The following GNAI2 variants were observed in gnomAD, a reference collection of about 807,000 sequenced individuals.
The protein encoded by GNAI2 is G protein subunit alpha i2, also known as guanine nucleotide-binding protein G(i) subunit alpha-2.
A neutral mutation model predicts 36.8 loss-of-function variants in GNAI2; 4 were observed. That is an observed-to-expected ratio of 0.11 (90% confidence interval 0.05 to 0.25). The LOEUF (loss-of-function observed/expected upper bound fraction) is 0.25, where lower values mean the gene tolerates loss of function less well. GNAI2 is among the 10% of genes least tolerant of loss of function. The pLI, the probability that GNAI2 is intolerant of heterozygous loss-of-function variation, is 1.00. For missense variants in GNAI2, 230 were observed against 481.3 expected, an observed-to-expected ratio of 0.48 and a Z score of 4.89; for synonymous variants, 194 against 194.1, an observed-to-expected ratio of 1.00 and a Z score of 0.01.
At chr3:50,254,596 CCAG>C (rs1700644542) in intron 4 of GNAI2, among the ~76,000 whole-genome samples, 1 of 152,204 alleles carries the variant, frequency 6.6e-6, no homozygotes, top group Non-Finnish European at 1.5e-5. Context: ...GTGGGGGCCC[CCAG>C]GCCTCACCAC....
chr3:50,235,569 C>T (rs1700144098), upstream of GNAI2, among the ~76,000 whole-genome samples: 2 of 152,200 alleles, frequency 1.3e-5, no homozygotes, highest in Non-Finnish European at 2.9e-5. Context: ...ATCTGCCCGC[C>T]TCGGCCTCCT....
At chr3:50,237,834 G>T (rs1700214180) in intron 1 of GNAI2, among the ~76,000 whole-genome samples, 1 of 152,160 alleles carries the variant, frequency 6.6e-6, no homozygotes, top group Non-Finnish European at 1.5e-5. Context: ...TGCATGGGGG[G>T]GTGTGGCCCC....
intron 1 of GNAI2, chr3:50,246,899 C>T (rs1700437252): frequency 1.1e-5 from 16 of 1,441,738 alleles, no homozygotes; most frequent in Non-Finnish European, 1.5e-5. Context: ...GAGCCAGTAG[C>T]TCTGACTCCT....
At chr3:50,246,752 GT>G in intron 1 of GNAI2, 1 of 462,714 alleles carries the variant, frequency 2.2e-6, no homozygotes. Context: ...CCAGGGAGGT[GT>G]GCCTGGCTTT....
In GNAI2 at chr3:50,236,785, G is replaced by A. The variant is rs114690325; in HGVS notation, c.118+332G>A. 0.015 allele frequency among the ~76,000 whole-genome samples: 2,288 copies of A among 151,958 alleles called. 60 individuals are homozygous for A. Among genetic ancestry groups the A allele is most frequent in the African/African-American group, 0.052 (2,171 of 41,408 alleles). ...GCCCCGCCATCCTTCCCTACACTTTGCCCAAACCCCCAGGATGCCCGCCAC... is the reference window on the plus strand; with the variant it reads ...GCCCCGCCATCCTTCCCTACACTTTACCCAAACCCCCAGGATGCCCGCCAC... On this transcript the variant is annotated intron_variant, in intron 1 of 8. Transcript: ENST00000313601. The surrounding 1 kb of genome is among the most constrained non-coding windows in gnomAD (Gnocchi z 4.0).
chr3:50,257,904 G>A (rs963981307), intron 8 of GNAI2, 190 bp downstream of exon 8: 12 of 500,946 alleles, frequency 2.4e-5, no homozygotes, highest in African/African-American at 3.9e-5. Context: ...AGGGCATGGA[G>A]GAGGTCATAC....
intron 1 of GNAI2, among the ~76,000 whole-genome samples, chr3:50,244,553 T>G (rs1700371220): frequency 6.6e-6 from 1 of 152,078 alleles, no homozygotes; most frequent in Non-Finnish European, 1.5e-5. Context: ...AGGAGTGAAA[T>G]GAAAGCATGT....
Position 50,238,606 on chromosome 3 carries a change from C to G in GNAI2, c.118+2153C>G, listed in dbSNP as rs985246698. 2.0e-5 allele frequency among the ~76,000 whole-genome samples: 3 copies of G among 152,228 alleles called. No individual in the cohort carries two copies. The highest frequency in any genetic ancestry group is 7.2e-5 in the African/African-American group (3 of 41,462). ...CCCAGGTCAGGATGGGGAGGGAGAACAAGAGCCTCCTGGTGGTTCTTGTTG... is the reference window on the plus strand; with the variant it reads ...CCCAGGTCAGGATGGGGAGGGAGAAGAAGAGCCTCCTGGTGGTTCTTGTTG... On this transcript the variant is annotated intron_variant, in intron 1 of 8. Coordinates refer to ENST00000313601, the MANE Select transcript of GNAI2 (RefSeq NM_002070.4). The surrounding 1 kb of genome is among the most constrained non-coding windows in gnomAD (Gnocchi z 5.0).
chr3:50,234,414 TG>T (rs1220954999), upstream of GNAI2, among the ~76,000 whole-genome samples: 2 of 138,114 alleles, frequency 1.4e-5, no homozygotes, highest in Admixed American at 1.4e-4. Context: ...TGCAATGGCA[TG>T]ATCTCAGCTC....
chr3:50,246,723 A>T (rs1370774352), intron 1 of GNAI2, among the ~76,000 whole-genome samples: 2 of 152,218 alleles, frequency 1.3e-5, no homozygotes, highest in African/African-American at 4.8e-5. Flanking sequence ...CACGGAGCCC[A>T]CCAGTATGGG....
At chr3:50,227,168 C>T (rs978233810), upstream of GNAI2, 4 of 1,448,148 alleles carry the variant, frequency 2.8e-6, no homozygotes, top group African/African-American at 5.8e-5. This position sits in a 1 kb window ranked among gnomAD's most constrained non-coding sequence, Gnocchi z 5.9. Context: ...AGCAGAAAGG[C>T]GGGTGTCACT....
Position 50,252,986 on chromosome 3 carries a change from A to C in GNAI2, c.304-38A>C, listed in dbSNP as rs1553702740. On this transcript the variant is annotated intron_variant, in intron 3 of 8. Coordinates refer to ENST00000313601, the MANE Select transcript of GNAI2 (RefSeq NM_002070.4). This position sits in a 1 kb window ranked among gnomAD's most constrained non-coding sequence, Gnocchi z 4.1. ...CCTGCCTCTGGCAGAGTGGGGGTACATTCCTTCAACTGCCTGACCACCCGC... is the reference window on the plus strand; with the variant it reads ...CCTGCCTCTGGCAGAGTGGGGGTACCTTCCTTCAACTGCCTGACCACCCGC... 1.3e-6 allele frequency: 2 copies of C among 1,544,258 alleles called. No homozygotes were observed. Among genetic ancestry groups the C allele is most frequent in the South Asian group, 2.4e-5 (2 of 84,094 alleles).
intron 1 of GNAI2, among the ~76,000 whole-genome samples, chr3:50,245,039 C>G (rs1700383843): frequency 6.6e-6 from 1 of 151,096 alleles, no homozygotes; most frequent in African/African-American, 2.4e-5. Flanking sequence ...GCTCTTGTTG[C>G]CCAGGCTAGA....
chr3:50,257,798 G>A, intron 8 of GNAI2, 84 bp downstream of exon 8: 1 of 602,930 alleles, frequency 1.7e-6, no homozygotes, highest in Non-Finnish European at 2.8e-6. Flanking sequence ...GGGTGGGTAG[G>A]GGGGTGAACC....
chr3:50,232,525 A>T (rs1480543995), upstream of GNAI2, among the ~76,000 whole-genome samples: 1 of 152,236 alleles, frequency 6.6e-6, no homozygotes, highest in Non-Finnish European at 1.5e-5. Flanking sequence ...TGTCCAAAGT[A>T]ACAAGTAGCT....
At chr3:50,234,937 T>A (rs587768409), upstream of GNAI2, among the ~76,000 whole-genome samples, 5 of 152,300 alleles carry the variant, frequency 3.3e-5, no homozygotes, top group South Asian at 1.0e-3. Flanking sequence ...GGCCATAGGG[T>A]TGCAGCCATT....
chr3:50,252,622 A>G lies in GNAI2; in HGVS notation c.303+84A>G, dbSNP rs1700588667. On this transcript the variant is annotated intron_variant, in intron 3 of 8. Transcript: ENST00000313601. This position sits in a 1 kb window ranked among gnomAD's most constrained non-coding sequence, Gnocchi z 4.1. Reference sequence around the variant, plus strand: ...GTGGTGGCTCATGCCTATAAATCCCAGCACTTTGGGACGCCGAGGCGGGTG... The same window carrying G: ...GTGGTGGCTCATGCCTATAAATCCCGGCACTTTGGGACGCCGAGGCGGGTG... 3.3e-6 allele frequency: 4 copies of G among 1,214,054 alleles called. No homozygotes were observed. Among genetic ancestry groups the G allele is most frequent in the Admixed American group, 4.0e-5 (2 of 50,586 alleles). The allele number at this position is 1,214,054 out of a possible 1,614,324, so 75.2% of individuals were successfully genotyped here.
At chr3:50,243,660 C>T (rs1403043428) in intron 1 of GNAI2, among the ~76,000 whole-genome samples, 4 of 152,338 alleles carry the variant, frequency 2.6e-5, no homozygotes, top group South Asian at 2.1e-4. Flanking sequence ...CATATTTAAT[C>T]CTGTGAGGCT....
At chr3:50,257,918 C>G in intron 8 of GNAI2, 1 of 466,502 alleles carries the variant, frequency 2.1e-6, no homozygotes. Flanking sequence ...GTCATACAAG[C>G]AGGCCTGGCC....
Sources: gnomAD v4.1 joint callset for allele counts (sites outside exome capture counted in the v4.1 genomes callset) on GRCh38, gnomAD v4.1.1 for gene constraint, Gnocchi (gnomAD v3.1) non-coding constraint, MANE v1.5 for transcripts, NCBI Gene and HGNC (gene_info 2026-07-23, HGNC 2026-07-21) for gene names.